The following THSD7B variants were observed in gnomAD, a reference collection of about 807,000 sequenced individuals.
THSD7B encodes the protein thrombospondin type 1 domain containing 7B, also known as thrombospondin type-1 domain-containing protein 7B.
THSD7B carries 138 observed loss-of-function variants against 213.6 expected under a neutral mutation model. That is an observed-to-expected ratio of 0.65 (90% CI 0.56 to 0.74). THSD7B has a LOEUF of 0.74. Among genes scored for constraint, THSD7B ranks in the 30% least tolerant of loss-of-function variants. THSD7B has a pLI of 0.00. For missense variants in THSD7B, 1,931 were observed against 1,991.5 expected (o/e 0.97, Z 0.58); for synonymous variants, 742 against 687.0 (o/e 1.08, Z -1.25).
intron 1 of THSD7B, among the ~76,000 whole-genome samples, chr2:136,814,545 C>T (rs1373518525): frequency 6.6e-6 from 1 of 151,980 alleles, no homozygotes; most frequent in Non-Finnish European, 1.5e-5. Context: ...ACTACAGGCG[C>T]CTGCCACCAC....
chr2:136,770,388 TAGAC>T (rs779461390), intron 1 of THSD7B, among the ~76,000 whole-genome samples: 5 of 152,206 alleles, frequency 3.3e-5, no homozygotes, highest in Non-Finnish European at 5.9e-5. Flanking sequence ...CAGGGCAAGT[TAGAC>T]AGGGCACATG....
chr2:137,258,294 A>G (rs1682355704), intron 10 of THSD7B, among the ~76,000 whole-genome samples: 2 of 152,158 alleles, frequency 1.3e-5, no homozygotes, highest in African/African-American at 2.4e-5. Flanking sequence ...TTTTACATCA[A>G]AGTCTTTACT....
intron 12 of THSD7B, among the ~76,000 whole-genome samples, chr2:137,356,379 A>C (rs1362247606): frequency 6.6e-6 from 1 of 152,130 alleles, no homozygotes; most frequent in Non-Finnish European, 1.5e-5. Context: ...ACCAAGCATC[A>C]GATAACATCC....
chr2:136,851,208 G>A (rs1006291848), intron 1 of THSD7B, among the ~76,000 whole-genome samples: 1 of 151,850 alleles, frequency 6.6e-6, no homozygotes, highest in African/African-American at 2.4e-5. Flanking sequence ...CTAAATTATG[G>A]CGAAGTCTCA....
At position 137,394,346 on chromosome 2, in the gene THSD7B, T is replaced by G. The variant is rs1175461192; in HGVS notation, c.2501-11267T>G. On this transcript the variant is annotated intron_variant, in intron 12 of 27. Transcript: ENST00000409968. The stretch of plus-strand genomic sequence containing the variant: ...CTTGAATTGATTTTTGTATAAGGTG[T>G]AAGGAAGGGATCCAGTTTCATCTTT... Among the ~76,000 whole-genome samples the G allele has an allele frequency of 4.6e-5, 6 of 129,384 alleles. 2 individuals carry two copies. Among genetic ancestry groups the G allele is most frequent in the African/African-American group, 1.7e-4 (6 of 35,198 alleles). 84.9% of individuals were successfully genotyped at this position (129,384 alleles called of 152,430 possible).
At chr2:136,791,562 C>T (rs943658520) in intron 1 of THSD7B, among the ~76,000 whole-genome samples, 32 of 151,528 alleles carry the variant, frequency 2.1e-4, no homozygotes, top group African/African-American at 7.0e-4. Flanking sequence ...GCCCCCCATC[C>T]GAGGCAACCC....
At position 137,431,852 on chromosome 2, in the gene THSD7B, C is replaced by G. The variant is rs1348092464; in HGVS notation, c.2960-18993C>G. On this transcript the variant is annotated intron_variant, in intron 14 of 27. Transcript: ENST00000409968. ...GGAATAGATAGAGCTTTTGGAATAG[C>G]TTATAGGTGATAAGAATGATGTTGA... 3.3e-5 allele frequency among the ~76,000 whole-genome samples: 5 copies of G among 152,086 alleles called. No homozygotes were observed. In the East Asian group the frequency reaches 9.7e-4, roughly 29 times the overall value.
chr2:137,575,744 T>TATATATATATA (rs1558845594), intron 17 of THSD7B, among the ~76,000 whole-genome samples: 1 of 111,504 alleles, frequency 9.0e-6, no homozygotes, highest in African/African-American at 2.9e-5. Context: ...ATATATATAT[T>TATATATATATA]TTTACTTTAA....
chr2:137,104,102 C>G (rs565514780), intron 4 of THSD7B, among the ~76,000 whole-genome samples: 3 of 152,302 alleles, frequency 2.0e-5, no homozygotes, highest in East Asian at 1.9e-4. Flanking sequence ...CCACATCACA[C>G]TTATTCTAAA....
chr2:137,008,594 G>T (rs1686161372), intron 2 of THSD7B, among the ~76,000 whole-genome samples: 1 of 152,066 alleles, frequency 6.6e-6, no homozygotes, highest in Non-Finnish European at 1.5e-5. Context: ...TGATGTGGCT[G>T]ATTTCTCTGG....
chr2:136,978,397 T>A (rs1267700176), intron 2 of THSD7B, among the ~76,000 whole-genome samples: 1 of 152,198 alleles, frequency 6.6e-6, no homozygotes, highest in Non-Finnish European at 1.5e-5. Flanking sequence ...GGTGTTTAAA[T>A]CTCCCACTAT....
At chr2:136,775,134 A>G (rs1410322357) in intron 1 of THSD7B, among the ~76,000 whole-genome samples, 2 of 152,124 alleles carry the variant, frequency 1.3e-5, no homozygotes, top group African/African-American at 4.8e-5. Context: ...CTTAGTAAGT[A>G]TGAGCTCCAT....
intron 12 of THSD7B, among the ~76,000 whole-genome samples, chr2:137,326,153 C>T (rs780685899): frequency 2.6e-5 from 4 of 152,150 alleles, no homozygotes; most frequent in African/African-American, 9.7e-5. Context: ...ATCCATCCAA[C>T]CTTCCTTTGA....
At chr2:136,989,425 C>G (rs561757813) in intron 2 of THSD7B, among the ~76,000 whole-genome samples, 5 of 152,276 alleles carry the variant, frequency 3.3e-5, no homozygotes, top group African/African-American at 2.4e-5. Context: ...TTTGACTTCT[C>G]TCTTGCTTGT....
At chr2:137,524,422 C>A (rs549818720) in intron 15 of THSD7B, among the ~76,000 whole-genome samples, 9 of 152,148 alleles carry the variant, frequency 5.9e-5, no homozygotes, top group Non-Finnish European at 1.0e-4. Flanking sequence ...TCCTGTTCAC[C>A]AATATTTTTG....
chr2:137,434,766 T>C (rs1687257852), intron 14 of THSD7B, among the ~76,000 whole-genome samples: 1 of 152,246 alleles, frequency 6.6e-6, no homozygotes, highest in Admixed American at 6.5e-5. Context: ...TTTCTCCTTA[T>C]GATGATGTAC....
chr2:137,669,333 G>GTGA (rs10651093), intron 27 of THSD7B, among the ~76,000 whole-genome samples: 5 of 152,032 alleles, frequency 3.3e-5, no homozygotes, highest in East Asian at 1.9e-4. Flanking sequence ...GCCACCTACA[G>GTGA]TGATAGAAAT....
At chr2:137,023,914 CCTT>C (rs1325858219) in intron 2 of THSD7B, among the ~76,000 whole-genome samples, 2 of 148,058 alleles carry the variant, frequency 1.4e-5, no homozygotes, top group South Asian at 4.2e-4. Flanking sequence ...TTCTCTTCGT[CCTT>C]CTAGTTTTTT....
chr2:137,581,121 A>G (rs1424271284), intron 17 of THSD7B, among the ~76,000 whole-genome samples: 1 of 152,144 alleles, frequency 6.6e-6, no homozygotes, highest in African/African-American at 2.4e-5. Flanking sequence ...TTCTTTTTAA[A>G]TGTATGTATA....
Sources: gnomAD v4.1 joint callset for allele counts (sites outside exome capture counted in the v4.1 genomes callset) on GRCh38, gnomAD v4.1.1 for gene constraint, MANE v1.5 for transcripts, NCBI Gene and HGNC (gene_info 2026-07-23, HGNC 2026-07-21) for gene names.